Variants in CSNK1G1 observed in about 807,000 individuals in gnomAD.
CSNK1G1 encodes casein kinase 1 gamma 1.
In CSNK1G1, 22 loss-of-function variants were observed where a neutral mutation model predicts 59.6. The observed-to-expected ratio is 0.37, with a 90% CI of 0.26 to 0.53. The LOEUF (loss-of-function observed/expected upper bound fraction) is 0.53. Ranked by LOEUF, CSNK1G1 falls within the 20% of genes least tolerant of loss-of-function variation. The pLI is 0.89. For missense variants in CSNK1G1, 384 were observed against 519.5 expected, an observed-to-expected ratio of 0.74 and a Z score of 2.54; for synonymous variants, 179 against 177.1, an observed-to-expected ratio of 1.01 and a Z score of -0.08.
intron 2 of CSNK1G1, among the ~76,000 whole-genome samples, chr15:64,260,886 G>A (rs115388200): frequency 1.2e-3 from 187 of 152,190 alleles, no homozygotes; most frequent in African/African-American, 4.5e-3. Context: ...GTGTCAAAGA[G>A]TACACTAATT....
At position 64,270,759 on chromosome 15, in the gene CSNK1G1, C is replaced by CAA. The variant is rs746403335; in HGVS notation, c.182-11520_182-11519dup. ...TGGGTGACAGAGTGAGACTCCGTCT[C>CAA]AAAAAAAAAAAAAAACACTACCTGA... On this transcript the variant is annotated intron_variant, in intron 2 of 11. Transcript: ENST00000303052. 5.7e-3 allele frequency among the ~76,000 whole-genome samples: 587 copies of CAA among 103,334 alleles called. 8 individuals carry two copies. The highest frequency in any genetic ancestry group is 0.018 in the African/African-American group (552 of 31,046). 67.8% of individuals were successfully genotyped at this position (103,334 alleles called of 152,430 possible). A position where few individuals can be genotyped will look rare whatever the true frequency, so the allele number is the denominator to read the frequency against.
At chr15:64,202,256 A>T (rs2082118280) in intron 10 of CSNK1G1, among the ~76,000 whole-genome samples, 1 of 152,198 alleles carries the variant, frequency 6.6e-6, no homozygotes, top group Non-Finnish European at 1.5e-5. Flanking sequence ...TTCATGCCCA[A>T]GTCAGTTGGA....
chr15:64,237,975 T>C (rs1368315713), intron 4 of CSNK1G1, among the ~76,000 whole-genome samples: 2 of 152,220 alleles, frequency 1.3e-5, no homozygotes, highest in South Asian at 4.1e-4. Flanking sequence ...GTTGTATACA[T>C]GGCACATGCA....
intron 4 of CSNK1G1, among the ~76,000 whole-genome samples, chr15:64,219,411 A>G (rs931007971): frequency 1.3e-5 from 2 of 152,236 alleles, no homozygotes; most frequent in Non-Finnish European, 2.9e-5. Flanking sequence ...TATTCTTCAA[A>G]GCAGGTTGTG....
intron 4 of CSNK1G1, among the ~76,000 whole-genome samples, chr15:64,231,699 A>G (rs1175173876): frequency 6.6e-6 from 1 of 152,016 alleles, no homozygotes; most frequent in African/African-American, 2.4e-5. Context: ...AGCCCCATAC[A>G]TGCCACTCTC....
At chr15:64,223,946 C>G (rs1448065388) in intron 4 of CSNK1G1, among the ~76,000 whole-genome samples, 1 of 152,120 alleles carries the variant, frequency 6.6e-6, no homozygotes, top group Non-Finnish European at 1.5e-5. Flanking sequence ...AAGCTGTTAT[C>G]TAAAAACAAT....
intron 4 of CSNK1G1, among the ~76,000 whole-genome samples, chr15:64,231,531 C>G (rs2082549516): frequency 6.6e-6 from 1 of 151,158 alleles, no homozygotes. Flanking sequence ...TAGAATAGTA[C>G]TTAACCCAAG....
chr15:64,197,219 A>C (rs369293837), intron 10 of CSNK1G1, among the ~76,000 whole-genome samples: 1 of 152,182 alleles, frequency 6.6e-6, no homozygotes, highest in East Asian at 1.9e-4. Flanking sequence ...TTCTCCTTCT[A>C]CTGTAAGTAT....
At chr15:64,240,187 T>C (rs1033334909) in intron 4 of CSNK1G1, among the ~76,000 whole-genome samples, 4 of 152,198 alleles carry the variant, frequency 2.6e-5, no homozygotes, top group African/African-American at 4.8e-5. Context: ...TGAGCTAAGA[T>C]TGTGCCACTG....
At chr15:64,343,081 G>A (rs1235818092) in intron 1 of CSNK1G1, among the ~76,000 whole-genome samples, 6 of 152,004 alleles carry the variant, frequency 3.9e-5, no homozygotes, top group Non-Finnish European at 5.9e-5. Flanking sequence ...GTGTGGTGGC[G>A]CATGCCTGTA....
chr15:64,307,694 T>C (rs1895753286), intron 1 of CSNK1G1, among the ~76,000 whole-genome samples: 1 of 152,194 alleles, frequency 6.6e-6, no homozygotes, highest in African/African-American at 2.4e-5. Context: ...TTTTTGATTT[T>C]GTTTTTGTTT....
intron 2 of CSNK1G1, among the ~76,000 whole-genome samples, chr15:64,281,278 T>A (rs143574584): frequency 6.6e-6 from 1 of 152,260 alleles, no homozygotes; most frequent in African/African-American, 2.4e-5. Context: ...ATTCCACTTT[T>A]ATCAAATATC....
chr15:64,299,869 T>C (rs1036128067), intron 2 of CSNK1G1, among the ~76,000 whole-genome samples: 1 of 152,166 alleles, frequency 6.6e-6, no homozygotes, highest in African/African-American at 2.4e-5. Flanking sequence ...CCTTGCAGAC[T>C]AAGCCTGGGT....
intron 4 of CSNK1G1, among the ~76,000 whole-genome samples, chr15:64,222,673 TA>T (rs779834417): frequency 2.1e-3 from 279 of 134,262 alleles, no homozygotes; most frequent in Non-Finnish European, 2.6e-3. Context: ...CTTTAAAACT[TA>T]AAAAAAAAAA....
rs1025519708 is a variant in CSNK1G1, at chr15:64,216,361, T to C, written c.444+201A>G. Among the ~76,000 whole-genome samples the C allele has an allele frequency of 6.6e-6, 1 of 152,220 alleles. No individual in the cohort carries two copies. The highest frequency in any genetic ancestry group is 2.4e-5 in the African/African-American group (1 of 41,462). Reference sequence around the variant, plus strand: ...CAGAGCATTGCTCCAAGGTGCAAAGTCTTAAAATAGAGCAAATTGCAGATG... The same window carrying C: ...CAGAGCATTGCTCCAAGGTGCAAAGCCTTAAAATAGAGCAAATTGCAGATG... On this transcript the variant is annotated intron_variant, in intron 5 of 11. Transcript: ENST00000303052. The surrounding 1 kb of genome is among the most constrained non-coding windows in gnomAD (Gnocchi z 4.6).
chr15:64,276,731 G>A (rs1182781212), intron 2 of CSNK1G1, among the ~76,000 whole-genome samples: 1 of 152,068 alleles, frequency 6.6e-6, no homozygotes, highest in Non-Finnish European at 1.5e-5. Flanking sequence ...GGATCACGAG[G>A]TCAGGAGATC....
At position 64,168,492 on chromosome 15, in the gene CSNK1G1, T is replaced by G. The variant is rs1422214597; in HGVS notation, c.*3439A>C. The G allele has an allele frequency of 6.6e-6, 1 of 152,240 alleles. No homozygotes were observed. Among genetic ancestry groups the G allele is most frequent in the Non-Finnish European group, 1.5e-5 (1 of 68,052 alleles). The allele number at this position is 152,240 out of a possible 1,614,324, so 9.4% of individuals were successfully genotyped here. On this transcript the variant is annotated 3_prime_UTR_variant, in exon 12 of 12. Transcript: ENST00000303052. The stretch of plus-strand genomic sequence containing the variant: ...CTTGGCCTGTGTGCCTCAAATCTGT[T>G]TAGGATGCAATGTCTGAGGGACTGT...
chr15:64,213,715 T>C (rs1001072635), intron 6 of CSNK1G1, among the ~76,000 whole-genome samples, 175 bp downstream of exon 6: 4 of 152,266 alleles, frequency 2.6e-5, no homozygotes, highest in African/African-American at 9.6e-5. Flanking sequence ...GCATAGTCTA[T>C]AGGATTCTTT....
intron 6 of CSNK1G1, among the ~76,000 whole-genome samples, chr15:64,211,525 A>G (rs2082248923): frequency 6.6e-6 from 1 of 152,242 alleles, no homozygotes; most frequent in Non-Finnish European, 1.5e-5. Context: ...CAGTACACCA[A>G]GAGATGAAAC....
Sources: gnomAD v4.1 joint callset for allele counts (sites outside exome capture counted in the v4.1 genomes callset) on GRCh38, gnomAD v4.1.1 for gene constraint, Gnocchi (gnomAD v3.1) non-coding constraint, MANE v1.5 for transcripts, NCBI Gene and HGNC (gene_info 2026-07-23, HGNC 2026-07-21) for gene names.